Variants in PRKN observed in about 807,000 individuals in gnomAD.
PRKN encodes the protein E3 ubiquitin-protein ligase parkin.
Under a neutral mutation model 59.5 loss-of-function variants are expected in PRKN, and 56 were observed. The observed-to-expected ratio is 0.94, with a 90% confidence interval of 0.76 to 1.18. The LOEUF is 1.18. Among genes scored for constraint, PRKN ranks in the 50% most tolerant of loss-of-function variants. The pLI, the probability that PRKN is intolerant of heterozygous loss-of-function variation, is 0.00. For missense variants in PRKN, 657 were observed against 596.4 expected, an observed-to-expected ratio of 1.10 and a Z score of -1.06; for synonymous variants, 250 against 222.1, an observed-to-expected ratio of 1.13 and a Z score of -1.12.
intron 7 of PRKN, among the ~76,000 whole-genome samples, chr6:161,659,167 T>C (rs988646723): frequency 1.3e-5 from 2 of 152,246 alleles, no homozygotes; most frequent in African/African-American, 2.4e-5. Flanking sequence ...GTGGTTTATA[T>C]AGCACTTCTT....
At chr6:161,837,621 A>G (rs1174441972) in intron 6 of PRKN, among the ~76,000 whole-genome samples, 3 of 151,880 alleles carry the variant, frequency 2.0e-5, no homozygotes, top group African/African-American at 7.3e-5. Flanking sequence ...ACTGTTGAAT[A>G]AACTACAAGG....
At chr6:162,542,245 GA>G (rs1778957153) in intron 1 of PRKN, among the ~76,000 whole-genome samples, 1 of 152,062 alleles carries the variant, frequency 6.6e-6, no homozygotes, top group Non-Finnish European at 1.5e-5. Context: ...TTGCAGCAAT[GA>G]AAACAACTGA....
chr6:161,476,925 C>A (rs1237093147), intron 9 of PRKN, among the ~76,000 whole-genome samples: 1 of 152,138 alleles, frequency 6.6e-6, no homozygotes, highest in Non-Finnish European at 1.5e-5. Flanking sequence ...AACTGGTGGG[C>A]GAGCTGAGGT....
At chr6:161,595,733 G>A (rs900680195) in intron 7 of PRKN, among the ~76,000 whole-genome samples, 1 of 152,118 alleles carries the variant, frequency 6.6e-6, no homozygotes, top group Non-Finnish European at 1.5e-5. Context: ...TCATTGGGAG[G>A]GGGATCACAT....
At chr6:161,536,289 T>C (rs1446476489) in intron 9 of PRKN, among the ~76,000 whole-genome samples, 3 of 152,022 alleles carry the variant, frequency 2.0e-5, no homozygotes, top group African/African-American at 4.8e-5. Flanking sequence ...GGCAATGAAC[T>C]CTAGAAGGGC....
chr6:162,203,540 CTG>C (rs1328380638), intron 3 of PRKN, among the ~76,000 whole-genome samples: 2 of 152,162 alleles, frequency 1.3e-5, no homozygotes, highest in African/African-American at 4.8e-5. Context: ...GCAAGGTTTT[CTG>C]TGTCATGCTG....
At chr6:161,797,043 T>A (rs371440279) in intron 6 of PRKN, among the ~76,000 whole-genome samples, 3 of 152,196 alleles carry the variant, frequency 2.0e-5, no homozygotes. Flanking sequence ...GAAGAATTAA[T>A]GTGCTAAGAA....
chr6:161,726,954 T>C (rs367838691), intron 7 of PRKN, among the ~76,000 whole-genome samples: 95 of 152,320 alleles, frequency 6.2e-4, no homozygotes, highest in African/African-American at 2.1e-3. Flanking sequence ...AGGCTGCTTC[T>C]GTCCTGGATG....
chr6:161,772,123 A>G (rs1208104612), intron 7 of PRKN, among the ~76,000 whole-genome samples: 3 of 152,186 alleles, frequency 2.0e-5, no homozygotes, highest in African/African-American at 4.8e-5. Flanking sequence ...GGTGATGATG[A>G]TGGCGGTAGT....
At chr6:162,177,198 A>C (rs1192199343) in intron 4 of PRKN, among the ~76,000 whole-genome samples, 1 of 152,186 alleles carries the variant, frequency 6.6e-6, no homozygotes, top group Non-Finnish European at 1.5e-5. Context: ...ATTGCAGCAG[A>C]GCATAGAATA....
intron 10 of PRKN, among the ~76,000 whole-genome samples, chr6:161,381,687 T>A (rs9355346): frequency 0.07 from 10,587 of 152,248 alleles, 486 homozygotes; most frequent in South Asian, 0.22. Context: ...CCCAGCTTCA[T>A]GGTAGGGAGG....
intron 7 of PRKN, among the ~76,000 whole-genome samples, chr6:161,774,428 ACACACG>A (rs1208119663): frequency 1.5e-4 from 20 of 132,032 alleles, no homozygotes; most frequent in African/African-American, 5.0e-4. Flanking sequence ...ACACACACAC[ACACACG>A]GCGTGGCTAG....
At chr6:162,385,714 A>G (rs1013687476) in intron 2 of PRKN, among the ~76,000 whole-genome samples, 8 of 152,058 alleles carry the variant, frequency 5.3e-5, no homozygotes, top group Admixed American at 3.3e-4. Flanking sequence ...AAAGTTTATT[A>G]CCTTCATTCT....
intron 9 of PRKN, among the ~76,000 whole-genome samples, chr6:161,465,722 T>A (rs57547591): frequency 0.049 from 7,388 of 152,228 alleles, 456 homozygotes; most frequent in African/African-American, 0.15. Context: ...CTGCTTAAGA[T>A]TCACTGTGCT....
chr6:162,601,726 A>AT (rs1245290078), intron 1 of PRKN, among the ~76,000 whole-genome samples: 1 of 152,190 alleles, frequency 6.6e-6, no homozygotes, highest in African/African-American at 2.4e-5. Context: ...TGAGGAGTAC[A>AT]TTTTTATATA....
intron 5 of PRKN, among the ~76,000 whole-genome samples, chr6:161,980,393 C>T (rs1278312910): frequency 6.6e-6 from 1 of 152,144 alleles, no homozygotes; most frequent in Non-Finnish European, 1.5e-5. Context: ...TTGTACTTAA[C>T]ACGTAACTGC....
At chr6:162,596,292 C>G (rs749844782) in intron 1 of PRKN, among the ~76,000 whole-genome samples, 4 of 152,118 alleles carry the variant, frequency 2.6e-5, no homozygotes, top group Non-Finnish European at 4.4e-5. Context: ...AACTCAGCAA[C>G]TTGTAAATGT....
At chr6:162,145,258 TG>T (rs1187495557) in intron 4 of PRKN, among the ~76,000 whole-genome samples, 1 of 152,166 alleles carries the variant, frequency 6.6e-6, no homozygotes, top group African/African-American at 2.4e-5. Flanking sequence ...AAGACCTGGA[TG>T]TCAACAGTTC....
At chr6:161,486,623 T>C (rs1157762585) in intron 9 of PRKN, among the ~76,000 whole-genome samples, 1 of 152,194 alleles carries the variant, frequency 6.6e-6, no homozygotes, top group African/African-American at 2.4e-5. Context: ...CTGCCTCTAT[T>C]ATTAAATTAC....
Sources: allele counts gnomAD v4.1 joint callset (sites outside exome capture counted in the v4.1 genomes callset), GRCh38; gene constraint gnomAD v4.1.1; transcripts MANE v1.5; gene names NCBI Gene and HGNC (gene_info 2026-07-23, HGNC 2026-07-21).